Variants in PRR11 observed in about 807,000 individuals in gnomAD.
PRR11 encodes the protein proline rich 11.
A neutral mutation model predicts 45.6 loss-of-function variants in PRR11; 30 were observed. The ratio of observed to expected loss-of-function variants is 0.66; its 90% CI spans 0.49 to 0.89. The LOEUF (loss-of-function observed/expected upper bound fraction) is 0.89. PRR11 is among the 40% of genes least tolerant of loss of function. The pLI is 0.00. For missense variants in PRR11, 373 were observed against 424.8 expected, an observed-to-expected ratio of 0.88 and a Z score of 1.07; for synonymous variants, 128 against 153.5, an observed-to-expected ratio of 0.83 and a Z score of 1.23.
chr17:59,194,386 A>G (rs1055352865), intron 5 of PRR11, among the ~76,000 whole-genome samples: 3 of 151,890 alleles, frequency 2.0e-5, no homozygotes, highest in African/African-American at 7.3e-5. Context: ...GTGGAAACTG[A>G]GTCATCTTTC....
chr17:59,162,190 A>G lies in PRR11; in HGVS notation c.-6+6385A>G, dbSNP rs565755179. ...GTATTTAATTAGAAGGAGATTAGAT[A>G]GAAGCACTAATAACCCAAGTCAGAC... is the stretch of plus-strand genomic sequence containing the variant. On this transcript the variant is annotated intron_variant, in intron 1 of 9. Transcript: ENST00000262293. 2.6e-5 allele frequency among the ~76,000 whole-genome samples: 4 copies of G among 151,854 alleles called. No homozygotes were observed. In the East Asian group the frequency reaches 7.7e-4, roughly 29 times the overall value.
chr17:59,161,400 G>C (rs2046651773), intron 1 of PRR11, among the ~76,000 whole-genome samples: 1 of 132,594 alleles, frequency 7.5e-6, no homozygotes, highest in African/African-American at 2.9e-5. Flanking sequence ...AACAGAGCGA[G>C]ACTCCGTCTC....
intron 4 of PRR11, among the ~76,000 whole-genome samples, chr17:59,190,176 T>C (rs1457369264): frequency 6.6e-6 from 1 of 151,844 alleles, no homozygotes; most frequent in Non-Finnish European, 1.5e-5. Context: ...GAGGATGATA[T>C]AGAATTAAGA....
At chr17:59,185,346 T>C in intron 3 of PRR11, 94 bp from the exon 4 acceptor site, 2 of 1,528,240 alleles carry the variant, frequency 1.3e-6, no homozygotes, top group South Asian at 2.5e-5. Flanking sequence ...CCTTTGCTTC[T>C]ATAAAAACAT....
intron 4 of PRR11, among the ~76,000 whole-genome samples, chr17:59,187,862 TAAAA>T (rs761905476): frequency 7.8e-6 from 1 of 128,234 alleles, no homozygotes; most frequent in African/African-American, 2.9e-5. Flanking sequence ...GAGACTCCAT[TAAAA>T]AAAAAAAAAA....
intron 5 of PRR11, among the ~76,000 whole-genome samples, chr17:59,194,129 AG>A: frequency 6.6e-6 from 1 of 152,160 alleles, no homozygotes; most frequent in South Asian, 2.1e-4. Flanking sequence ...TCTCTATTTC[AG>A]TTACTTATTT....
chr17:59,175,851 T>C (rs2147842065), intron 2 of PRR11, among the ~76,000 whole-genome samples: 1 of 152,230 alleles, frequency 6.6e-6, no homozygotes, highest in East Asian at 1.9e-4. Flanking sequence ...GAGGCTGCAG[T>C]GAGCTATGAT....
chr17:59,188,912 C>T (rs1024943177), intron 4 of PRR11, among the ~76,000 whole-genome samples: 2 of 150,714 alleles, frequency 1.3e-5, no homozygotes, highest in East Asian at 3.9e-4. Context: ...AGCACTCCAG[C>T]CTGGGCAACA....
rs192583443 is a variant in PRR11 at position 59,201,073 on chromosome 17, A to G, written c.1015-490A>G. ...ACCCAGCCAGTGTACACTGTTCCCA[A>G]TGTATAGTCTTTTATCCCTCACCCC... On this transcript the variant is annotated intron_variant, in intron 9 of 9. Transcript: ENST00000262293. 4.5e-3 allele frequency among the ~76,000 whole-genome samples: 680 copies of G among 152,086 alleles called. 8 individuals are homozygous for G. The highest frequency in any genetic ancestry group is 0.015 in the African/African-American group (638 of 41,472).
chr17:59,201,558 T>A lies in PRR11; in HGVS notation c.1015-5T>A. The A allele has an allele frequency of 6.2e-7, 1 of 1,610,114 alleles. No homozygotes were observed. Among genetic ancestry groups the A allele is most frequent in the Non-Finnish European group, 8.5e-7 (1 of 1,179,596 alleles). On this transcript the variant is annotated splice_region_variant and splice_polypyrimidine_tract_variant and intron_variant, in intron 9 of 9. Coordinates refer to ENST00000262293, the MANE Select transcript of PRR11 (RefSeq NM_018304.4). Reference sequence around the variant, plus strand: ...TATTATAATTGGGACTTTTTTTTTTTATAGCTGGCTCACCCTAGAAGCCCA... The same window carrying A: ...TATTATAATTGGGACTTTTTTTTTTAATAGCTGGCTCACCCTAGAAGCCCA...
At chr17:59,177,909 G>A (rs1260417209) in intron 2 of PRR11, among the ~76,000 whole-genome samples, 3 of 151,918 alleles carry the variant, frequency 2.0e-5, no homozygotes, top group Non-Finnish European at 4.4e-5. Context: ...GGAGGCTGAG[G>A]CAGGATTGCA....
At chr17:59,194,040 A>G (rs2046852516) in intron 5 of PRR11, among the ~76,000 whole-genome samples, 1 of 152,164 alleles carries the variant, frequency 6.6e-6, no homozygotes, top group Non-Finnish European at 1.5e-5. Flanking sequence ...AATTTAGAAT[A>G]GAAGATTGCT....
At chr17:59,161,938 C>T (rs898516368) in intron 1 of PRR11, among the ~76,000 whole-genome samples, 2 of 152,130 alleles carry the variant, frequency 1.3e-5, no homozygotes, top group South Asian at 2.1e-4. Context: ...GGCAATTATC[C>T]TCTGGAAAGT....
intron 1 of PRR11, 57 bp from the exon 2 acceptor site, chr17:59,169,691 A>G (rs939928556): frequency 2.9e-6 from 4 of 1,390,322 alleles, no homozygotes; most frequent in Non-Finnish European, 3.9e-6. Flanking sequence ...AGATTTGTGT[A>G]CTTTCTATAT....
chr17:59,167,418 T>C (rs1318426712), intron 1 of PRR11, among the ~76,000 whole-genome samples: 1 of 152,194 alleles, frequency 6.6e-6, no homozygotes, highest in Non-Finnish European at 1.5e-5. Flanking sequence ...TATCTAGCTG[T>C]AATTATATTA....
At position 59,205,993 on chromosome 17, in the gene PRR11, G is replaced by T. The variant is rs1213250714; in HGVS notation, c.*4362G>T. Among the ~76,000 whole-genome samples, 2 of 152,034 alleles carry T rather than the reference G, an allele frequency of 1.3e-5. No individual in the cohort carries two copies. Among genetic ancestry groups the T allele is most frequent in the Non-Finnish European group, 2.9e-5 (2 of 68,018 alleles). Reference sequence around the variant, plus strand: ...TTGAACGATGGAAGTGGAGGTTGCAGTGAGCTGAGATCACACTACTGCACT... The same window carrying T: ...TTGAACGATGGAAGTGGAGGTTGCATTGAGCTGAGATCACACTACTGCACT... On this transcript the variant is annotated 3_prime_UTR_variant, in exon 10 of 10. Transcript: ENST00000262293.
At chr17:59,160,406 G>A (rs35678871) in intron 1 of PRR11, among the ~76,000 whole-genome samples, 6,554 of 152,106 alleles carry the variant, frequency 0.043, 213 homozygotes, top group Non-Finnish European at 0.064. Context: ...TTTTGGTTTG[G>A]GGGTTTTTTC....
At position 59,204,716 on chromosome 17, in the gene PRR11, AAAAG is replaced by A. The variant is rs768857934; in HGVS notation, c.*3101_*3104del. 9.2e-5 allele frequency: 14 copies of A among 152,714 alleles called. No individual in the cohort carries two copies. The highest frequency in any genetic ancestry group is 2.1e-4 in the South Asian group (1 of 4,828). The allele number at this position is 152,714 out of a possible 1,614,324, so 9.5% of individuals were successfully genotyped here. Reference sequence around the variant, plus strand: ...GTGAGACCCTGTGTCAAAAAAAAAAAAAAGAAAGAAAGAAAGAAAAAATGCTTTA... The same window carrying A: ...GTGAGACCCTGTGTCAAAAAAAAAAAAAAGAAAGAAAGAAAAAATGCTTTA... On this transcript the variant is annotated 3_prime_UTR_variant, in exon 10 of 10. Coordinates refer to ENST00000262293, the MANE Select transcript of PRR11 (RefSeq NM_018304.4).
chr17:59,178,063 G>C (rs1307261721), intron 2 of PRR11, among the ~76,000 whole-genome samples: 1 of 151,750 alleles, frequency 6.6e-6, no homozygotes. Context: ...GAGGGGCACA[G>C]TGGCTCACAT....
Sources: gnomAD v4.1 joint callset for allele counts (sites outside exome capture counted in the v4.1 genomes callset) on GRCh38, gnomAD v4.1.1 for gene constraint, MANE v1.5 for transcripts, NCBI Gene and HGNC (gene_info 2026-07-23, HGNC 2026-07-21) for gene names.